The following PTBP3 variants were observed in gnomAD, a reference collection of about 807,000 sequenced individuals.
PTBP3 encodes the protein polypyrimidine tract-binding protein 3.
PTBP3 carries 20 observed loss-of-function variants against 58.7 expected under a neutral mutation model. That is an observed-to-expected ratio of 0.34 (90% CI 0.24 to 0.50). The LOEUF (loss-of-function observed/expected upper bound fraction) is 0.50, where lower values mean the gene tolerates loss of function less well. Among genes scored for constraint, PTBP3 ranks in the 20% least tolerant of loss-of-function variants. The pLI is 0.98. For missense variants in PTBP3, 509 were observed against 637.2 expected, an observed-to-expected ratio of 0.80 and a Z score of 2.17; for synonymous variants, 185 against 219.8, an observed-to-expected ratio of 0.84 and a Z score of 1.40.
chr9:112,360,405 C>T, the PTBP3 span, among the ~76,000 whole-genome samples: 1 of 152,004 alleles, frequency 6.6e-6, no homozygotes, highest in Non-Finnish European at 1.5e-5. Context: ...AGGCTGGTCT[C>T]ATACTCCTGG....
intron 7 of PTBP3, among the ~76,000 whole-genome samples, chr9:112,244,544 T>C (rs1835803225): frequency 6.6e-6 from 1 of 151,536 alleles, no homozygotes; most frequent in African/African-American, 2.4e-5. Context: ...CAGAGCATGG[T>C]GATGTGTGCC....
chr9:112,281,067 G>A (rs1433755051), intron 2 of PTBP3: 5 of 152,132 alleles, frequency 3.3e-5, no homozygotes, highest in Admixed American at 2.6e-4. Context: ...CAGCTACTCA[G>A]GAGACTGAGA....
chr9:112,225,659 A>G (rs1012345221), intron 12 of PTBP3, among the ~76,000 whole-genome samples: 3 of 152,220 alleles, frequency 2.0e-5, no homozygotes, highest in Admixed American at 6.5e-5. Context: ...CCAGTACAGT[A>G]CCCAGAACTT....
chr9:112,293,254 A>G (rs2132293034), intron 2 of PTBP3, among the ~76,000 whole-genome samples: 1 of 152,138 alleles, frequency 6.6e-6, no homozygotes, highest in East Asian at 1.9e-4. Context: ...AAAAGGAAAG[A>G]AGGATTCCTG....
At chr9:112,366,334 A>G in the PTBP3 span, among the ~76,000 whole-genome samples, 1 of 151,782 alleles carries the variant, frequency 6.6e-6, no homozygotes, top group East Asian at 1.9e-4. Context: ...TTCCCAAGAG[A>G]ATGGGGGAAA....
chr9:112,268,022 A>G, intron 4 of PTBP3, 27 bp downstream of exon 4: 1 of 1,586,084 alleles, frequency 6.3e-7, no homozygotes, highest in East Asian at 2.2e-5. Flanking sequence ...TCCCATACCT[A>G]TTTTTAAAAA....
Position 112,221,555 on chromosome 9 carries a change from A to T in PTBP3, c.*2296T>A. ...AGTGCCTGTGTGGAAGGGAAAAAAA[A>T]GCAAGTTTTGGGAGATTTTGCAAAG... On this transcript the variant is annotated 3_prime_UTR_variant, in exon 14 of 14. Transcript: ENST00000374257. 1 of 985,732 alleles carries T rather than the reference A, an allele frequency of 1.0e-6. No individual in the cohort carries two copies. The highest frequency in any genetic ancestry group is 1.2e-6 in the Non-Finnish European group (1 of 829,926). 61.1% of individuals were successfully genotyped at this position (985,732 alleles called of 1,614,324 possible).
chr9:112,376,996 C>A, the PTBP3 span, among the ~76,000 whole-genome samples: 1 of 152,228 alleles, frequency 6.6e-6, no homozygotes, highest in African/African-American at 2.4e-5. Flanking sequence ...ACTTGCTCTA[C>A]ATTTACGCAA....
At position 112,221,092 on chromosome 9, in the gene PTBP3, T is replaced by C. The variant is rs1834792141; in HGVS notation, c.*2759A>G. 1 of 985,480 alleles carries C rather than the reference T, an allele frequency of 1.0e-6. No homozygotes were observed. Among genetic ancestry groups the C allele is most frequent in the Non-Finnish European group, 1.2e-6 (1 of 829,824 alleles). 61.0% of individuals were successfully genotyped at this position (985,480 alleles called of 1,614,324 possible). A position where few individuals can be genotyped will look rare whatever the true frequency, so the allele number is the denominator to read the frequency against. On this transcript the variant is annotated 3_prime_UTR_variant, in exon 14 of 14. Coordinates refer to ENST00000374257, the MANE Select transcript of PTBP3 (RefSeq NM_001163788.4). ...TAGCTTAATATGGACAACATCCATG[T>C]GCTACAGCTAATTTTAGACACAAAC...
At chr9:112,256,675 C>T (rs7875843) in intron 5 of PTBP3, among the ~76,000 whole-genome samples, 85,042 of 151,636 alleles carry the variant, frequency 0.56, 25,726 homozygotes, top group African/African-American at 0.81. Context: ...AGGTACATAC[C>T]ACCATGCATG....
At chr9:112,306,475 T>C (rs1180003621) in intron 1 of PTBP3, among the ~76,000 whole-genome samples, 2 of 149,740 alleles carry the variant, frequency 1.3e-5, no homozygotes, top group Non-Finnish European at 3.0e-5. Context: ...AAAAAAACAC[T>C]ATTCTTAACC....
chr9:112,346,780 G>A, the PTBP3 span, among the ~76,000 whole-genome samples: 1 of 152,100 alleles, frequency 6.6e-6, no homozygotes, highest in African/African-American at 2.4e-5. Flanking sequence ...ACCCAGGCTG[G>A]AGCGCAGTGG....
intron 1 of PTBP3, chr9:112,330,360 G>T: frequency 9.4e-7 from 1 of 1,058,682 alleles, no homozygotes; most frequent in Non-Finnish European, 1.4e-6. Context: ...CAATAAAGCA[G>T]ATAATTTTAT....
At chr9:112,276,574 T>C (rs921759976) in intron 2 of PTBP3, among the ~76,000 whole-genome samples, 2 of 152,142 alleles carry the variant, frequency 1.3e-5, no homozygotes, top group African/African-American at 2.4e-5. Flanking sequence ...TTCCTTATTA[T>C]ATAACAATAA....
chr9:112,359,318 G>C, the PTBP3 span, among the ~76,000 whole-genome samples: 1 of 151,790 alleles, frequency 6.6e-6, no homozygotes, highest in Non-Finnish European at 1.5e-5. Context: ...ATGATGGCGG[G>C]AACCTGCAGT....
At chr9:112,318,652 C>CA (rs1408152014) in intron 1 of PTBP3, among the ~76,000 whole-genome samples, 3 of 151,592 alleles carry the variant, frequency 2.0e-5, no homozygotes, top group African/African-American at 7.3e-5. Flanking sequence ...CTCAGCTACT[C>CA]AGGAAGCTAG....
At chr9:112,363,198 G>A in the PTBP3 span, 1 of 153,744 alleles carries the variant, frequency 6.5e-6, no homozygotes, top group Non-Finnish European at 1.4e-5. Context: ...TTGAGATGGA[G>A]TCAGGGGGTG....
intron 7 of PTBP3, among the ~76,000 whole-genome samples, chr9:112,236,147 GAATT>G (rs1483208790): frequency 7.2e-5 from 11 of 151,796 alleles, no homozygotes; most frequent in Admixed American, 1.3e-4. Context: ...TCATTAAAAA[GAATT>G]ATTTAATATA....
intron 7 of PTBP3, among the ~76,000 whole-genome samples, chr9:112,247,905 C>T (rs1278758840): frequency 6.6e-6 from 1 of 152,020 alleles, no homozygotes; most frequent in Non-Finnish European, 1.5e-5. Context: ...CACACACATG[C>T]ATACACAAAT....
Sources: allele counts gnomAD v4.1 joint callset (sites outside exome capture counted in the v4.1 genomes callset), GRCh38; gene constraint gnomAD v4.1.1; transcripts MANE v1.5; gene names NCBI Gene and HGNC (gene_info 2026-07-23, HGNC 2026-07-21).